The following UGT1A1 variants were observed in gnomAD, a reference collection of about 807,000 sequenced individuals.
UGT1A1 encodes the protein UDP glucuronosyltransferase family 1 member A1.
UGT1A1 carries 33 observed loss-of-function variants against 40.6 expected under a neutral mutation model. The ratio of observed to expected loss-of-function variants is 0.81; its 90% CI spans 0.62 to 1.09. The LOEUF (loss-of-function observed/expected upper bound fraction) is 1.09. Among genes scored for constraint, UGT1A1 ranks in the 50% least tolerant of loss-of-function variants. UGT1A1 has a pLI of 0.00. For synonymous variants in UGT1A1, 249 were observed against 265.0 expected, an observed-to-expected ratio of 0.94 and a Z score of 0.59; for missense variants, 694 against 671.2, an observed-to-expected ratio of 1.03 and a Z score of -0.38.
rs533644543 is a variant in UGT1A1 at position 233,772,493 on chromosome 2, T to C, written c.1536T>C (p.Tyr512=). 6.2e-7 allele frequency: 1 copy of C among 1,614,152 alleles called. No individual in the cohort carries two copies. The highest frequency in any genetic ancestry group is 2.2e-5 in the East Asian group (1 of 44,874). The change falls in exon 5 of 5, where the codon TAT becomes TAC. Residue 512 remains tyrosine (Y), a synonymous_variant. Transcript: ENST00000305208. Reference sequence around the variant, plus strand: ...TCATCACCTTTAAATGTTGTGCTTATGGCTACCGGAAATGCTTGGGGAAAA... The same window carrying C: ...TCATCACCTTTAAATGTTGTGCTTACGGCTACCGGAAATGCTTGGGGAAAA... The part of the protein sequence containing the change: ...VAFITFKCCA[Y]GYRKCLGKKG...
Position 233,769,845 on chromosome 2 carries a change from G to T in UGT1A1, c.1304+1406G>T. ...ACTCCAGCAACCTGGGCAACAGAGT[G>T]AGACCCTGTCTCAAAAAAAAAAAAA... On this transcript the variant is annotated intron_variant, in intron 4 of 4. Transcript: ENST00000305208. This position sits in a 1 kb window ranked among gnomAD's most constrained non-coding sequence, Gnocchi z 4.4. The T allele has an allele frequency of 6.0e-6, 3 of 503,862 alleles. No individual in the cohort carries two copies. The highest frequency in any genetic ancestry group is 6.3e-6 in the Non-Finnish European group (2 of 319,128). 31.2% of individuals were successfully genotyped at this position (503,862 alleles called of 1,614,324 possible).
In UGT1A1 at chr2:233,767,042, AGCCTACATTAAT is replaced by A; in HGVS notation, c.876_887del (p.Tyr293_Ala296del). The A allele has an allele frequency of 6.2e-7, 1 of 1,614,104 alleles. No individual in the cohort carries two copies. The highest frequency in any genetic ancestry group is 8.5e-7 in the Non-Finnish European group (1 of 1,179,998). ...TTTTCTTCTGGCTCTAGGAATTTGA[AGCCTACATTAAT>A]GCTTCTGGAGAACATGGAATTGTGG... On this transcript the variant is annotated inframe_deletion, in exon 2 of 5. Coordinates refer to ENST00000305208, the MANE Select transcript of UGT1A1 (RefSeq NM_000463.3).
Position 233,769,302 on chromosome 2 carries a change from T to C in UGT1A1, c.1304+863T>C, listed in dbSNP as rs139674601. 9.5e-4 allele frequency among the ~76,000 whole-genome samples: 145 copies of C among 152,348 alleles called. No homozygotes were observed. The highest frequency in any genetic ancestry group is 3.0e-3 in the African/African-American group (125 of 41,572). Reference sequence around the variant, plus strand: ...TGATTTCTGGATTAAAGTTAGTATATTACTGTCAAGCTCACTGGTAATAGG... The same window carrying C: ...TGATTTCTGGATTAAAGTTAGTATACTACTGTCAAGCTCACTGGTAATAGG... On this transcript the variant is annotated intron_variant, in intron 4 of 4. Transcript: ENST00000305208. This position sits in a 1 kb window ranked among gnomAD's most constrained non-coding sequence, Gnocchi z 4.4.
intron 1 of UGT1A1, among the ~76,000 whole-genome samples, chr2:233,764,715 A>C (rs1025640523): frequency 2.0e-5 from 3 of 152,182 alleles, no homozygotes; most frequent in African/African-American, 7.2e-5. Context: ...TGTCTCCCCA[A>C]GAAAGAGGGA....
intron 1 of UGT1A1, among the ~76,000 whole-genome samples, chr2:233,762,910 G>A (rs1185953158): frequency 1.3e-5 from 2 of 152,074 alleles, no homozygotes; most frequent in Non-Finnish European, 2.9e-5. Flanking sequence ...CAGGGCTATT[G>A]AATTTATTAG....
chr2:233,764,438 T>C (rs1160972363), intron 1 of UGT1A1, among the ~76,000 whole-genome samples: 2 of 152,224 alleles, frequency 1.3e-5, no homozygotes, highest in Non-Finnish European at 2.9e-5. Context: ...GATGAACTTT[T>C]GTGCCATTTA....
At chr2:233,766,342 AGTGGCCTGCC>A (rs1699121690) in intron 1 of UGT1A1, among the ~76,000 whole-genome samples, 1 of 152,026 alleles carries the variant, frequency 6.6e-6, no homozygotes, top group Non-Finnish European at 1.5e-5. Flanking sequence ...TCTGCTGGTC[AGTGGCCTGCC>A]GGTGCCTGTT....
rs770564267 is a variant in UGT1A1 at position 233,772,524 on chromosome 2, C to T, written c.1567C>T (p.Arg523Ter). ...GYRKCLGKKG[R>*]VKKAHKSKTH ...CCGGAAATGCTTGGGGAAAAAAGGG[C>T]GAGTTAAGAAAGCCCACAAATCCAA... The change falls in exon 5 of 5, where the codon CGA (arginine) becomes TGA (stop). Residue 523 changes from arginine to a stop codon, truncating the protein, a stop_gained. Transcript: ENST00000305208. LOFTEE classifies it high-confidence loss of function. 33 of 1,613,838 alleles carry T rather than the reference C, an allele frequency of 2.0e-5. No individual in the cohort carries two copies. Among genetic ancestry groups the T allele is most frequent in the Middle Eastern group, 1.6e-4 (1 of 6,084 alleles).
chr2:233,763,174 C>A (rs528142938), intron 1 of UGT1A1, among the ~76,000 whole-genome samples: 1 of 152,302 alleles, frequency 6.6e-6, no homozygotes, highest in East Asian at 1.9e-4. Context: ...GTGTTGACTA[C>A]ATATTTGTTG....
chr2:233,769,562 A>C lies in UGT1A1; in HGVS notation c.1304+1123A>C. The C allele has an allele frequency of 6.2e-7, 1 of 1,612,906 alleles. No homozygotes were observed. The highest frequency in any genetic ancestry group is 8.5e-7 in the Non-Finnish European group (1 of 1,179,830). ...GCAGCAGTCAGGAAGACAGATGTGA[A>C]GAGCTGGAGCATGTTCAGATGAGAG... On this transcript the variant is annotated intron_variant, in intron 4 of 4. Transcript: ENST00000305208. The surrounding 1 kb of genome is among the most constrained non-coding windows in gnomAD (Gnocchi z 4.4).
Position 233,768,419 on chromosome 2 carries a change from A to G in UGT1A1, c.1284A>G (p.Lys428=), listed in dbSNP as rs766292651. ...CTGAAGATTTAGAAAATGCTCTAAA[A>G]GCAGTCATCAATGACAAAAGGTAAG... The part of the protein sequence containing the change: ...MTSEDLENAL[K]AVINDKSYKE... Residue 428 remains lysine (K), a synonymous_variant, in exon 4 of 5, where the codon AAA becomes AAG. Transcript: ENST00000305208. 1 of 1,614,170 alleles carries G rather than the reference A, an allele frequency of 6.2e-7. No individual in the cohort carries two copies. Among genetic ancestry groups the G allele is most frequent in the Non-Finnish European group, 8.5e-7 (1 of 1,180,020 alleles).
intron 4 of UGT1A1, among the ~76,000 whole-genome samples, chr2:233,768,707 C>T (rs1156909231): frequency 6.0e-5 from 9 of 150,670 alleles, no homozygotes; most frequent in Non-Finnish European, 1.3e-4. Flanking sequence ...CCTCAGCCTC[C>T]GTGTAGCTGG....
intron 1 of UGT1A1, among the ~76,000 whole-genome samples, chr2:233,766,662 C>T (rs911110190): frequency 3.9e-5 from 6 of 152,180 alleles, no homozygotes; most frequent in Non-Finnish European, 8.8e-5. Flanking sequence ...GGACCACGCC[C>T]TTCCCAGCTC....
intron 1 of UGT1A1, among the ~76,000 whole-genome samples, chr2:233,764,833 G>C (rs1171416505): frequency 3.9e-5 from 6 of 151,966 alleles, no homozygotes; most frequent in African/African-American, 1.2e-4. Flanking sequence ...TGGTGGTGGG[G>C]AGGATGACTC....
rs1697537023 is a variant in UGT1A1 at position 233,760,713 on chromosome 2, A to G, written c.426A>G (p.Glu142=). 1.9e-6 allele frequency: 3 copies of G among 1,614,082 alleles called. No individual in the cohort carries two copies. The highest frequency in any genetic ancestry group is 2.7e-5 in the African/African-American group (2 of 74,928). ...AGGAGCTCATGGCCTCCCTGGCAGA[A>G]AGCAGCTTTGATGTCATGCTGACGG... ...HNKELMASLA[E]SSFDVMLTDP... Residue 142 remains glutamate (E), a synonymous_variant, in exon 1 of 5, where the codon GAA becomes GAG. Coordinates refer to ENST00000305208, the MANE Select transcript of UGT1A1 (RefSeq NM_000463.3).
Position 233,769,397 on chromosome 2 carries a change from A to T in UGT1A1, c.1304+958A>T, listed in dbSNP as rs1699854250. ...TCATCCGACAATAGATACTGTGTGC[A>T]TATGTGCGTGTGCGTTTGTGCATGT... is the stretch of plus-strand genomic sequence containing the variant. On this transcript the variant is annotated intron_variant, in intron 4 of 4. Transcript: ENST00000305208. This position sits in a 1 kb window ranked among gnomAD's most constrained non-coding sequence, Gnocchi z 4.4. 1.7e-6 allele frequency: 2 copies of T among 1,148,656 alleles called. No individual in the cohort carries two copies. Among genetic ancestry groups the T allele is most frequent in the East Asian group, 2.5e-5 (1 of 39,850 alleles). 71.2% of individuals were successfully genotyped at this position (1,148,656 alleles called of 1,614,324 possible).
chr2:233,767,201 T>C lies in UGT1A1; in HGVS notation c.996+36T>C, dbSNP rs756377002. 1.3e-4 allele frequency: 211 copies of C among 1,613,460 alleles called. 4 individuals are homozygous for C. In the South Asian group the frequency reaches 2.3e-3, roughly 17 times the overall value. ...TCTATACCATGGCCTCATATCTATT[T>C]TCACAGGAGCGCTAATCCCAGACTT... On this transcript the variant is annotated intron_variant, in intron 2 of 4. Transcript: ENST00000305208.
At chr2:233,772,063 T>A (rs1007747764) in intron 4 of UGT1A1, among the ~76,000 whole-genome samples, 199 bp from the exon 5 acceptor site, 9 of 152,136 alleles carry the variant, frequency 5.9e-5, no homozygotes, top group Non-Finnish European at 1.2e-4. Context: ...CAGTTAGCCA[T>A]GCTTGTGCCA....
Position 233,767,867 on chromosome 2 carries a change from G to A in UGT1A1, c.1015G>A (p.Gly339Arg). ...CTCCCAGGTCCTGTGGCGGTACACTGGAACCCGACCATCGAATCTTGCGAA... is the reference window on the plus strand; with the variant it reads ...CTCCCAGGTCCTGTGGCGGTACACTAGAACCCGACCATCGAATCTTGCGAA... ...IPQTVLWRYT[G>R]TRPSNLANNT... Residue 339 changes from glycine to arginine, a missense_variant, in exon 3 of 5, where the codon GGA (glycine) becomes AGA (arginine). Coordinates refer to ENST00000305208, the MANE Select transcript of UGT1A1 (RefSeq NM_000463.3). The A allele has an allele frequency of 1.2e-6, 2 of 1,614,118 alleles. No individual in the cohort carries two copies. Among genetic ancestry groups the A allele is most frequent in the Non-Finnish European group, 1.7e-6 (2 of 1,180,024 alleles).
Sources: gnomAD v4.1 joint callset for allele counts (sites outside exome capture counted in the v4.1 genomes callset) on GRCh38, gnomAD v4.1.1 for gene constraint, Gnocchi (gnomAD v3.1) non-coding constraint, MANE v1.5 for transcripts, NCBI Gene and HGNC (gene_info 2026-07-23, HGNC 2026-07-21) for gene names.